The following PTPRK variants were observed in gnomAD, a reference collection of about 807,000 sequenced individuals.
PTPRK encodes protein tyrosine phosphatase receptor type K.
PTPRK carries 75 observed loss-of-function variants against 178.0 expected under a neutral mutation model. The ratio of observed to expected loss-of-function variants is 0.42; its 90% confidence interval spans 0.35 to 0.51. The LOEUF (loss-of-function observed/expected upper bound fraction) is 0.51, where lower values mean the gene tolerates loss of function less well. Among genes scored for constraint, PTPRK ranks in the 20% least tolerant of loss-of-function variants. The probability of loss-of-function intolerance (pLI) is 0.02; values close to 1 mark genes in which losing one functional copy is unlikely to be tolerated. For missense variants in PTPRK, 1,441 were observed against 1,797.8 expected (o/e 0.80, Z 3.59); for synonymous variants, 637 against 620.6 (o/e 1.03, Z -0.39).
rs561798179 is a variant in PTPRK at position 128,280,082 on chromosome 6, A to C, written c.496-37480T>G. Among the ~76,000 whole-genome samples, 3 of 152,328 alleles carry C rather than the reference A, an allele frequency of 2.0e-5. No homozygotes were observed. The South Asian group carries it at 6.2e-4, about 32-fold the overall frequency. ...ATGTATGAATAATATCAACAGAAAC[A>C]AAATTAACCTCTTCCCCATCTCCTA... On this transcript the variant is annotated intron_variant, in intron 3 of 29. Coordinates refer to ENST00000368226, the MANE Select transcript of PTPRK (RefSeq NM_002844.4).
chr6:128,267,942 G>A (rs1237415770), intron 3 of PTPRK, among the ~76,000 whole-genome samples: 1 of 151,984 alleles, frequency 6.6e-6, no homozygotes, highest in Non-Finnish European at 1.5e-5. Context: ...GGGGCTAAGA[G>A]ACCATTCTTA....
At chr6:128,192,242 A>G (rs1803931606) in intron 6 of PTPRK, among the ~76,000 whole-genome samples, 2 of 152,192 alleles carry the variant, frequency 1.3e-5, no homozygotes, top group East Asian at 1.9e-4. Context: ...TTTCAAAAGT[A>G]AAAAGCATAC....
chr6:128,034,678 A>C (rs1307463024), intron 13 of PTPRK, among the ~76,000 whole-genome samples: 1 of 152,140 alleles, frequency 6.6e-6, no homozygotes, highest in Non-Finnish European at 1.5e-5. Context: ...CTCTTTGGAG[A>C]ATGGAGTAGT....
chr6:128,012,654 G>A (rs946101509), intron 13 of PTPRK, among the ~76,000 whole-genome samples: 29 of 151,200 alleles, frequency 1.9e-4, no homozygotes, highest in African/African-American at 6.8e-4. Context: ...ATGCATTTTG[G>A]GGGGTAAAAA....
chr6:128,259,350 C>T (rs919480418), intron 3 of PTPRK, among the ~76,000 whole-genome samples: 37 of 152,090 alleles, frequency 2.4e-4, no homozygotes, highest in African/African-American at 8.5e-4. Context: ...CAGATTGGGA[C>T]AGGTTGCTTA....
At chr6:127,981,879 G>A (rs191630651) in intron 24 of PTPRK, among the ~76,000 whole-genome samples, 41 of 152,272 alleles carry the variant, frequency 2.7e-4, no homozygotes, top group African/African-American at 9.6e-4. Flanking sequence ...CCAGGTTGGA[G>A]TGCAGTGGCA....
chr6:128,456,229 C>T (rs1848377038), intron 1 of PTPRK, among the ~76,000 whole-genome samples: 1 of 152,008 alleles, frequency 6.6e-6, no homozygotes, highest in African/African-American at 2.4e-5. Flanking sequence ...ACTTAAATTA[C>T]CCACTATGTG....
chr6:128,503,707 T>C (rs1319960854), intron 1 of PTPRK, among the ~76,000 whole-genome samples: 2 of 152,182 alleles, frequency 1.3e-5, no homozygotes, highest in African/African-American at 4.8e-5. Flanking sequence ...AAGGTCTTGC[T>C]CTGTTGCCCA....
At chr6:128,508,811 G>A (rs537757798) in intron 1 of PTPRK, among the ~76,000 whole-genome samples, 1 of 152,166 alleles carries the variant, frequency 6.6e-6, no homozygotes, top group South Asian at 2.1e-4. Context: ...GGGCATGGTG[G>A]AGGCAGGTGC....
intron 6 of PTPRK, among the ~76,000 whole-genome samples, chr6:128,218,146 G>A (rs1480048157): frequency 2.0e-5 from 3 of 152,026 alleles, no homozygotes; most frequent in Non-Finnish European, 2.9e-5. Flanking sequence ...ACCATGACTT[G>A]ATACTACATT....
chr6:128,126,148 T>C (rs1366025971), intron 7 of PTPRK, among the ~76,000 whole-genome samples: 1 of 151,988 alleles, frequency 6.6e-6, no homozygotes, highest in African/African-American at 2.4e-5. Flanking sequence ...TGGCTGCACC[T>C]ATCAACCCGT....
intron 11 of PTPRK, among the ~76,000 whole-genome samples, chr6:128,071,765 A>G (rs1262750148): frequency 1.3e-4 from 20 of 152,040 alleles, no homozygotes; most frequent in Admixed American, 1.2e-3. Context: ...CATTTAGTGA[A>G]AAACAGCTAT....
At chr6:128,464,636 CACATATATATATAT>C (rs1429233612) in intron 1 of PTPRK, among the ~76,000 whole-genome samples, 25 of 40,744 alleles carry the variant, frequency 6.1e-4, no homozygotes, top group African/African-American at 1.2e-3. Flanking sequence ...TATATATATA[CACATATATATATAT>C]ATATATATAT....
chr6:128,147,982 A>T (rs1227390185), intron 7 of PTPRK, among the ~76,000 whole-genome samples: 1 of 151,640 alleles, frequency 6.6e-6, no homozygotes, highest in East Asian at 1.9e-4. Flanking sequence ...TAGTAATGTG[A>T]TGGAGAAAAA....
chr6:128,447,031 C>T (rs1273561188), intron 1 of PTPRK, among the ~76,000 whole-genome samples: 7 of 152,134 alleles, frequency 4.6e-5, no homozygotes, highest in African/African-American at 1.4e-4. Context: ...TTCAAGTTTC[C>T]TATTTCTAAA....
intron 7 of PTPRK, among the ~76,000 whole-genome samples, chr6:128,169,860 T>C (rs904291373): frequency 2.6e-5 from 4 of 151,694 alleles, no homozygotes; most frequent in Non-Finnish European, 5.9e-5. Context: ...ACAAATAATA[T>C]ATATAATTTT....
intron 3 of PTPRK, among the ~76,000 whole-genome samples, chr6:128,305,929 G>A (rs1263848249): frequency 6.6e-6 from 1 of 152,192 alleles, no homozygotes; most frequent in Non-Finnish European, 1.5e-5. Context: ...AGAAATACGT[G>A]AGACTGGGTA....
intron 3 of PTPRK, among the ~76,000 whole-genome samples, chr6:128,300,090 G>T (rs1825305579): frequency 6.6e-6 from 1 of 152,262 alleles, no homozygotes; most frequent in Middle Eastern, 3.4e-3. Flanking sequence ...CTCAAAAGAA[G>T]ACATTTATGC....
chr6:128,039,742 A>T lies in PTPRK; in HGVS notation c.2194+25016T>A, dbSNP rs1036511664. ...TTTAACACAGATGTGGCCAATGTCT[A>T]TTTTTATCCCAAGCCTGCTCTGCAT... is the stretch of plus-strand genomic sequence containing the variant. On this transcript the variant is annotated intron_variant, in intron 13 of 29. Transcript: ENST00000368226. Among the ~76,000 whole-genome samples the T allele has an allele frequency of 5.3e-5, 8 of 152,252 alleles. No homozygotes were observed. The East Asian group carries it at 1.5e-3, about 29-fold the overall frequency.
Sources: gnomAD v4.1 joint callset for allele counts (sites outside exome capture counted in the v4.1 genomes callset) on GRCh38, gnomAD v4.1.1 for gene constraint, MANE v1.5 for transcripts, NCBI Gene and HGNC (gene_info 2026-07-23, HGNC 2026-07-21) for gene names.